NKAIN2: variants seen among roughly 807,000 people sequenced by gnomAD.
The protein encoded by NKAIN2 is sodium/potassium-transporting ATPase subunit beta-1-interacting protein 2.
NKAIN2 carries 14 observed loss-of-function variants against 32.6 expected under a neutral mutation model. The observed-to-expected ratio is 0.43, with a 90% CI of 0.28 to 0.67. NKAIN2 has a LOEUF of 0.67. Among genes scored for constraint, NKAIN2 ranks in the 30% least tolerant of loss-of-function variants. NKAIN2 has a pLI of 0.17. For synonymous variants in NKAIN2, 80 were observed against 87.2 expected (o/e 0.92, Z 0.46); for missense variants, 198 against 258.3 (o/e 0.77, Z 1.60).
intron 4 of NKAIN2, among the ~76,000 whole-genome samples, chr6:124,724,285 C>T (rs939929805): frequency 1.3e-5 from 2 of 151,944 alleles, no homozygotes; most frequent in African/African-American, 4.8e-5. Flanking sequence ...CAAGATGGCA[C>T]CCCAACTTGT....
chr6:124,382,000 C>T (rs141463221), intron 3 of NKAIN2, among the ~76,000 whole-genome samples: 1 of 152,218 alleles, frequency 6.6e-6, no homozygotes, highest in Middle Eastern at 3.4e-3. Context: ...CTATAGTAAA[C>T]AGTGCAACCA....
intron 3 of NKAIN2, among the ~76,000 whole-genome samples, chr6:124,648,328 A>G (rs140157386): frequency 2.0e-5 from 3 of 152,360 alleles, no homozygotes; most frequent in East Asian, 1.9e-4. Context: ...TTTCAAAGGG[A>G]TATCTCTCAT....
At chr6:124,254,530 T>G (rs771093924) in intron 1 of NKAIN2, among the ~76,000 whole-genome samples, 2 of 152,080 alleles carry the variant, frequency 1.3e-5, no homozygotes, top group Non-Finnish European at 2.9e-5. Context: ...CACTATTATA[T>G]TATAAAAACC....
At chr6:123,869,053 A>G (rs1772732506) in intron 1 of NKAIN2, among the ~76,000 whole-genome samples, 1 of 152,234 alleles carries the variant, frequency 6.6e-6, no homozygotes, top group Non-Finnish European at 1.5e-5. Context: ...GAAGAACTGG[A>G]AGATCCTGAA....
chr6:124,061,164 G>C (rs1782903643), intron 1 of NKAIN2, among the ~76,000 whole-genome samples: 1 of 152,090 alleles, frequency 6.6e-6, no homozygotes, highest in African/African-American at 2.4e-5. Context: ...ATTGCAGCAT[G>C]TTTTGGATAT....
At chr6:124,170,422 T>C (rs1174756400) in intron 1 of NKAIN2, among the ~76,000 whole-genome samples, 2 of 152,192 alleles carry the variant, frequency 1.3e-5, no homozygotes, top group East Asian at 3.9e-4. Context: ...CTAACCTGAA[T>C]TTCTCTCTGC....
intron 2 of NKAIN2, among the ~76,000 whole-genome samples, chr6:124,294,109 T>C (rs1795943280): frequency 6.6e-6 from 1 of 152,120 alleles, no homozygotes; most frequent in Non-Finnish European, 1.5e-5. Flanking sequence ...GGGAAGTCCA[T>C]GATAGGGTGG....
rs373748662 is a variant in NKAIN2 at position 123,952,705 on chromosome 6, A to G, written c.54+148451A>G. The stretch of plus-strand genomic sequence containing the variant: ...AAGCTTTTGAATATATTTTTATTCT[A>G]TTTACTGAATTTTTCAGTTTCATAA... On this transcript the variant is annotated intron_variant, in intron 1 of 6. Coordinates refer to ENST00000368417, the MANE Select transcript of NKAIN2 (RefSeq NM_001040214.3). Among the ~76,000 whole-genome samples, 9 of 152,104 alleles carry G rather than the reference A, an allele frequency of 5.9e-5. No homozygotes were observed. In the South Asian group the frequency reaches 1.9e-3, roughly 31 times the overall value.
chr6:124,154,585 C>G (rs755112446), intron 1 of NKAIN2, among the ~76,000 whole-genome samples: 1 of 151,962 alleles, frequency 6.6e-6, no homozygotes, highest in Non-Finnish European at 1.5e-5. Context: ...CACCTTAACT[C>G]TAACTCTTTC....
At chr6:123,949,673 T>C (rs1777233857) in intron 1 of NKAIN2, among the ~76,000 whole-genome samples, 1 of 152,058 alleles carries the variant, frequency 6.6e-6, no homozygotes, top group South Asian at 2.1e-4. Flanking sequence ...TTTACTGACT[T>C]ATTTATCGGT....
intron 1 of NKAIN2, among the ~76,000 whole-genome samples, chr6:123,969,046 G>C (rs1313296248): frequency 6.6e-6 from 1 of 152,028 alleles, no homozygotes; most frequent in Non-Finnish European, 1.5e-5. Context: ...AATGTGATTT[G>C]AATATAAGTT....
At chr6:124,364,250 A>AAAAAAAAAAAAAAAAGAG (rs3054409) in intron 3 of NKAIN2, among the ~76,000 whole-genome samples, 1 of 139,740 alleles carries the variant, frequency 7.2e-6, no homozygotes, top group African/African-American at 2.7e-5. Context: ...AAAAAAAAAA[A>AAAAAAAAAAAAAAAAGAG]AGAGAGAAAA....
intron 1 of NKAIN2, among the ~76,000 whole-genome samples, chr6:123,902,327 A>G (rs549706059): frequency 6.6e-6 from 1 of 152,268 alleles, no homozygotes; most frequent in African/African-American, 2.4e-5. Flanking sequence ...ATACAGGTTT[A>G]TGCATCAGAA....
intron 1 of NKAIN2, among the ~76,000 whole-genome samples, chr6:124,155,656 A>T (rs753222942): frequency 1.5e-4 from 23 of 151,890 alleles, no homozygotes; most frequent in Non-Finnish European, 3.1e-4. Flanking sequence ...ATGATTTAAC[A>T]ATTCCATGAT....
chr6:124,416,049 G>A (rs1774471213), intron 3 of NKAIN2, among the ~76,000 whole-genome samples: 1 of 151,324 alleles, frequency 6.6e-6, no homozygotes, highest in South Asian at 2.1e-4. Context: ...TTCTCCTTCT[G>A]GAAAGATAGA....
intron 2 of NKAIN2, among the ~76,000 whole-genome samples, chr6:124,338,088 G>A (rs892402714): frequency 6.6e-6 from 1 of 152,080 alleles, no homozygotes; most frequent in Non-Finnish European, 1.5e-5. Flanking sequence ...CAAGGGGAAA[G>A]GACTCAACAC....
intron 3 of NKAIN2, among the ~76,000 whole-genome samples, chr6:124,481,083 T>A (rs1260322624): frequency 1.3e-5 from 2 of 152,010 alleles, no homozygotes; most frequent in Admixed American, 1.3e-4. Flanking sequence ...GGAGAAATCA[T>A]GTCAAAAGGA....
chr6:123,914,156 C>T (rs235664), intron 1 of NKAIN2, among the ~76,000 whole-genome samples: 2 of 151,844 alleles, frequency 1.3e-5, no homozygotes, highest in African/African-American at 2.4e-5. Flanking sequence ...CCCTCTTTCT[C>T]TCTTACCAGT....
chr6:124,462,096 G>A (rs1391566096), intron 3 of NKAIN2, among the ~76,000 whole-genome samples: 3 of 151,730 alleles, frequency 2.0e-5, no homozygotes, highest in Admixed American at 2.0e-4. Flanking sequence ...ATCCATTTTG[G>A]AATAAATCTA....
Sources: gnomAD v4.1 joint callset for allele counts (sites outside exome capture counted in the v4.1 genomes callset) on GRCh38, gnomAD v4.1.1 for gene constraint, MANE v1.5 for transcripts, NCBI Gene and HGNC (gene_info 2026-07-23, HGNC 2026-07-21) for gene names.